CEP72: variants seen among roughly 807,000 people sequenced by gnomAD.
CEP72 encodes the protein centrosomal protein of 72 kDa.
In CEP72, 78 loss-of-function variants were observed where a neutral mutation model predicts 65.7. The ratio of observed to expected loss-of-function variants is 1.19; its 90% confidence interval spans 0.99 to 1.43. CEP72 has a LOEUF of 1.43. Among genes scored for constraint, CEP72 ranks in the 40% most tolerant of loss-of-function variants. CEP72 has a pLI of 0.00. For missense variants in CEP72, 914 were observed against 832.9 expected (o/e 1.10, Z -1.20); for synonymous variants, 358 against 351.7 (o/e 1.02, Z -0.20).
chr5:615,775 G>A (rs988406622), intron 1 of CEP72, among the ~76,000 whole-genome samples: 30 of 152,054 alleles, frequency 2.0e-4, no homozygotes, highest in African/African-American at 6.8e-4. Flanking sequence ...TGACTTACTC[G>A]AATATTTTTA....
chr5:618,030 A>T (rs1450980036), intron 1 of CEP72, among the ~76,000 whole-genome samples: 1 of 152,164 alleles, frequency 6.6e-6, no homozygotes, highest in Non-Finnish European at 1.5e-5. Flanking sequence ...GCACAGCCCG[A>T]CCACAGTTGT....
At chr5:660,377 G>A (rs752834667), downstream of CEP72, 2 of 152,184 alleles carry the variant, frequency 1.3e-5, no homozygotes, top group Admixed American at 6.6e-5. Context: ...AAAGCATCTC[G>A]ATGTGCCCAG....
intron 2 of CEP72, chr5:665,082 C>T (rs752597482): frequency 2.1e-5 from 34 of 1,601,990 alleles, no homozygotes; most frequent in African/African-American, 6.7e-5. Flanking sequence ...CCGGCAGTGC[C>T]GCGAGGCATG....
At position 623,390 on chromosome 5, in the gene CEP72, G is replaced by A. The variant is rs1057315113; in HGVS notation, c.404-1081G>A. Among the ~76,000 whole-genome samples, 4 of 152,228 alleles carry A rather than the reference G, an allele frequency of 2.6e-5. No homozygotes were observed. The highest frequency in any genetic ancestry group is 7.2e-5 in the African/African-American group (3 of 41,456). ...TCCGCGTGGGTCATGGAAAGGCCCC[G>A]GTGGTGGAGGAGGCAGATAGCAAGG... is the stretch of plus-strand genomic sequence containing the variant. On this transcript the variant is annotated intron_variant, in intron 3 of 11. Transcript: ENST00000264935. The surrounding 1 kb of genome is among the most constrained non-coding windows in gnomAD (Gnocchi z 5.3).
intron 9 of CEP72, chr5:641,390 A>G (rs1738009888): frequency 1.0e-6 from 1 of 985,468 alleles, no homozygotes; most frequent in Middle Eastern, 5.2e-4. Flanking sequence ...CCTTGTCAGC[A>G]TCTTTAAATT....
rs1738350738 is a variant in CEP72, at chr5:645,425, T to A, written c.1666+1000T>A. ...TTTACAACGGGTCCTTGAATAACCGTGTCCATTCAACATCATTTCGTCGTA... is the reference window on the plus strand; with the variant it reads ...TTTACAACGGGTCCTTGAATAACCGAGTCCATTCAACATCATTTCGTCGTA... On this transcript the variant is annotated intron_variant, in intron 10 of 11. Transcript: ENST00000264935. The surrounding 1 kb of genome is among the most constrained non-coding windows in gnomAD (Gnocchi z 4.0). Among the ~76,000 whole-genome samples the A allele has an allele frequency of 6.6e-6, 1 of 151,322 alleles. No homozygotes were observed.
chr5:634,980 T>C (rs905193), intron 5 of CEP72, among the ~76,000 whole-genome samples: 102,399 of 151,764 alleles, frequency 0.67, 35,854 homozygotes, highest in African/African-American at 0.88. Flanking sequence ...GCTGCAGCCT[T>C]TGCCTCCCGG....
rs371280388 is a variant in CEP72, at chr5:633,808, C to G, written c.552C>G (p.Ala184=). The G allele has an allele frequency of 9.9e-6, 16 of 1,614,108 alleles. No individual in the cohort carries two copies. In the African/African-American group the frequency reaches 2.1e-4, roughly 22 times the overall value. The change falls in exon 5 of 12, where the codon GCC becomes GCG. Residue 184 remains alanine (A), a synonymous_variant. Coordinates refer to ENST00000264935, the MANE Select transcript of CEP72 (RefSeq NM_018140.4). The part of the protein sequence containing the change: ...HPRAKCTEAL[A]KQSLVMDADD... ...GAGCCAAGTGCACCGAGGCCTTGGC[C>G]AAGCAGAGCCTGGTCATGGATGCGG...
rs113665893 is a variant in CEP72 at position 667,077 on chromosome 5, A to C, written n.806A>C. 3.4e-4 allele frequency: 52 copies of C among 151,322 alleles called. 3 individuals are homozygous for C. The highest frequency in any genetic ancestry group is 1.2e-3 in the African/African-American group (48 of 40,592). 9.4% of individuals were successfully genotyped at this position (151,322 alleles called of 1,614,324 possible). A position where few individuals can be genotyped will look rare whatever the true frequency, so the allele number is the denominator to read the frequency against. Reference sequence around the variant, plus strand: ...AGTCAGGGGACAAATGACCCATAAAACCCCAGCAAGCCTTTCCAGAAGTCA... The same window carrying C: ...AGTCAGGGGACAAATGACCCATAAACCCCCAGCAAGCCTTTCCAGAAGTCA... On this transcript the variant is annotated non_coding_transcript_exon_variant, in exon 5 of 5. Transcript: ENST00000514507.
chr5:654,655 C>T (rs1267629352), downstream of CEP72, among the ~76,000 whole-genome samples: 5 of 152,170 alleles, frequency 3.3e-5, no homozygotes, highest in African/African-American at 1.2e-4. Context: ...AATTTGTCAT[C>T]ACGTAATTTA....
At position 653,302 on chromosome 5, in the gene CEP72, T is replaced by C. The variant is rs1260179133; in HGVS notation, c.*149T>C. The C allele has an allele frequency of 2.7e-6, 2 of 748,434 alleles. No individual in the cohort carries two copies. The highest frequency in any genetic ancestry group is 4.0e-6 in the Non-Finnish European group (2 of 501,968). 46.4% of individuals were successfully genotyped at this position (748,434 alleles called of 1,614,324 possible). Reference sequence around the variant, plus strand: ...GGATTTTTGGAATGTATTCAGGACCTGTAGCTTGGTTTTCTAAAGCACCTC... The same window carrying C: ...GGATTTTTGGAATGTATTCAGGACCCGTAGCTTGGTTTTCTAAAGCACCTC... On this transcript the variant is annotated 3_prime_UTR_variant, in exon 12 of 12. Coordinates refer to ENST00000264935, the MANE Select transcript of CEP72 (RefSeq NM_018140.4).
intron 11 of CEP72, among the ~76,000 whole-genome samples, chr5:650,283 T>TG (rs201966090): frequency 2.4e-5 from 1 of 41,132 alleles, no homozygotes; most frequent in Non-Finnish European, 4.0e-5. Context: ...CTGTGAGGTG[T>TG]GACTGTGAGG....
At chr5:628,745 CAGG>C (rs1277075782) in intron 4 of CEP72, among the ~76,000 whole-genome samples, 16 of 142,664 alleles carry the variant, frequency 1.1e-4, no homozygotes, top group African/African-American at 3.9e-4. Flanking sequence ...CTGGAGAACT[CAGG>C]TTGCAGTCCC....
rs550629471 is a variant in CEP72 at position 623,988 on chromosome 5, G to T, written c.404-483G>T. Among the ~76,000 whole-genome samples, 12 of 152,202 alleles carry T rather than the reference G, an allele frequency of 7.9e-5. 1 individual carries two copies. The highest frequency in any genetic ancestry group is 5.2e-4 in the Admixed American group (8 of 15,294). On this transcript the variant is annotated intron_variant, in intron 3 of 11. Coordinates refer to ENST00000264935, the MANE Select transcript of CEP72 (RefSeq NM_018140.4). The surrounding 1 kb of genome is among the most constrained non-coding windows in gnomAD (Gnocchi z 5.3). ...AGGCCTGGGGACCTTCTTATCTTCA[G>T]GGATTTACATGAGGAAGCTCCAGGA... is the stretch of plus-strand genomic sequence containing the variant.
At chr5:666,400 A>C (rs1739915916) in intron 4 of CEP72, among the ~76,000 whole-genome samples, 1 of 152,238 alleles carries the variant, frequency 6.6e-6, no homozygotes, top group South Asian at 2.1e-4. Flanking sequence ...GCCGGAGGCC[A>C]TTAGGCAGCG....
the CEP72 span, among the ~76,000 whole-genome samples, chr5:672,295 C>T: frequency 6.6e-6 from 1 of 151,238 alleles, no homozygotes; most frequent in Admixed American, 6.5e-5. Flanking sequence ...TCTCAGTCTC[C>T]CACTGGCCCT....
At chr5:669,588 A>G (rs1318192052), downstream of CEP72, among the ~76,000 whole-genome samples, 1 of 152,094 alleles carries the variant, frequency 6.6e-6, no homozygotes, top group East Asian at 1.9e-4. Flanking sequence ...CAGCCTGGTG[A>G]CCAGTGCTGA....
intron 1 of CEP72, among the ~76,000 whole-genome samples, chr5:616,123 G>A (rs1160302308): frequency 1.3e-5 from 2 of 151,896 alleles, no homozygotes; most frequent in African/African-American, 4.8e-5. Flanking sequence ...TTCATTCCAC[G>A]ATGCTCTAGG....
Position 624,381 on chromosome 5 carries a change from T to A in CEP72, c.404-90T>A. On this transcript the variant is annotated intron_variant, in intron 3 of 11. Coordinates refer to ENST00000264935, the MANE Select transcript of CEP72 (RefSeq NM_018140.4). The surrounding 1 kb of genome is among the most constrained non-coding windows in gnomAD (Gnocchi z 4.7). ...GGGAGCAGGGCTGGCCCCGAGGGGA[T>A]GGACACCCTGCCCCGTGTAGATGCC... The A allele has an allele frequency of 4.6e-6, 4 of 861,034 alleles. No individual in the cohort carries two copies. Among genetic ancestry groups the A allele is most frequent in the Non-Finnish European group, 7.8e-6 (4 of 511,546 alleles). The allele number at this position is 861,034 out of a possible 1,614,324, so 53.3% of individuals were successfully genotyped here.
Sources: allele counts gnomAD v4.1 joint callset (sites outside exome capture counted in the v4.1 genomes callset), GRCh38; gene constraint gnomAD v4.1.1; non-coding constraint Gnocchi (gnomAD v3.1); transcripts MANE v1.5; gene names NCBI Gene and HGNC (gene_info 2026-07-23, HGNC 2026-07-21).